The following LRRC4C variants were observed in gnomAD, a reference collection of about 807,000 sequenced individuals.
The protein encoded by LRRC4C is leucine rich repeat containing 4C, also known as leucine-rich repeat-containing protein 4C.
Under a neutral mutation model 33.6 loss-of-function variants are expected in LRRC4C, and 5 were observed. The observed-to-expected ratio is 0.15, with a 90% CI of 0.08 to 0.31. The LOEUF (loss-of-function observed/expected upper bound fraction) is 0.31, where lower values mean the gene tolerates loss of function less well. Ranked by LOEUF, LRRC4C falls within the 10% of genes least tolerant of loss-of-function variation. The pLI is 1.00. For missense variants in LRRC4C, 560 were observed against 796.7 expected, an observed-to-expected ratio of 0.70 and a Z score of 3.58; for synonymous variants, 329 against 302.0, an observed-to-expected ratio of 1.09 and a Z score of -0.93.
intron 1 of LRRC4C, among the ~76,000 whole-genome samples, chr11:41,193,286 G>T (rs777790262): frequency 6.6e-6 from 1 of 152,048 alleles, no homozygotes; most frequent in Non-Finnish European, 1.5e-5. Context: ...AAGACTGAAG[G>T]AATCAGAGTC....
intron 3 of LRRC4C, among the ~76,000 whole-genome samples, chr11:40,632,630 T>C (rs994016404): frequency 6.6e-6 from 1 of 152,204 alleles, no homozygotes; most frequent in Non-Finnish European, 1.5e-5. Context: ...AAAACACTTA[T>C]GTAATCTTAG....
chr11:41,056,386 A>G (rs978703977), intron 1 of LRRC4C, among the ~76,000 whole-genome samples: 1 of 152,242 alleles, frequency 6.6e-6, no homozygotes, highest in Non-Finnish European at 1.5e-5. Context: ...ATCAAAAGCA[A>G]TTACAATAAA....
chr11:40,704,909 A>G (rs942274005), intron 2 of LRRC4C, among the ~76,000 whole-genome samples: 1 of 152,182 alleles, frequency 6.6e-6, no homozygotes, highest in African/African-American at 2.4e-5. Context: ...TTGAAGAGAA[A>G]ACATCTTAAA....
At chr11:40,759,629 ACAC>A (rs1184263972) in intron 2 of LRRC4C, among the ~76,000 whole-genome samples, 4 of 151,990 alleles carry the variant, frequency 2.6e-5, no homozygotes, top group African/African-American at 9.7e-5. Context: ...CTAGCCTATT[ACAC>A]CAGTAATGAA....
At chr11:40,604,796 T>C (rs570668837) in intron 3 of LRRC4C, among the ~76,000 whole-genome samples, 4 of 150,178 alleles carry the variant, frequency 2.7e-5, no homozygotes, top group Admixed American at 2.0e-4. Context: ...AGAAGGAAAA[T>C]ATATAAAGAA....
intron 1 of LRRC4C, among the ~76,000 whole-genome samples, chr11:41,120,036 C>T (rs916373212): frequency 2.8e-4 from 43 of 152,104 alleles, no homozygotes; most frequent in African/African-American, 6.0e-4. Context: ...ATTCTGATTT[C>T]GTCTCAGTCC....
chr11:40,725,099 A>T (rs1947220829), intron 2 of LRRC4C, among the ~76,000 whole-genome samples: 1 of 152,154 alleles, frequency 6.6e-6, no homozygotes. Context: ...GAAGAGCATA[A>T]CCATTTATCT....
chr11:41,261,704 C>T (rs1210785624), intron 1 of LRRC4C, among the ~76,000 whole-genome samples: 1 of 152,106 alleles, frequency 6.6e-6, no homozygotes. Context: ...AGAGATTAGA[C>T]ATCTTGTCTG....
chr11:40,397,123 CTGTGATT>C (rs1352623763), intron 3 of LRRC4C, among the ~76,000 whole-genome samples: 4 of 151,948 alleles, frequency 2.6e-5, no homozygotes, highest in African/African-American at 9.7e-5. Context: ...CTCTGATATC[CTGTGATT>C]TGTAACGTAT....
chr11:41,294,837 G>C (rs954106772), intron 1 of LRRC4C, among the ~76,000 whole-genome samples: 1 of 152,146 alleles, frequency 6.6e-6, no homozygotes, highest in Admixed American at 6.5e-5. Flanking sequence ...AAGTTAAAAT[G>C]TTTTTAATCA....
intron 3 of LRRC4C, among the ~76,000 whole-genome samples, chr11:40,633,341 CTT>C (rs1320302960): frequency 3.2e-5 from 1 of 31,154 alleles, no homozygotes; most frequent in African/African-American, 1.3e-4. Flanking sequence ...TTCTTTCTTT[CTT>C]TCTTTCTTTC....
chr11:40,191,080 C>T (rs774056551), intron 5 of LRRC4C, among the ~76,000 whole-genome samples: 3 of 152,236 alleles, frequency 2.0e-5, no homozygotes, highest in South Asian at 2.1e-4. Context: ...CCGAGCACCT[C>T]GCACACAACA....
intron 1 of LRRC4C, among the ~76,000 whole-genome samples, chr11:41,154,214 C>T (rs758962946): frequency 6.6e-6 from 1 of 152,124 alleles, no homozygotes; most frequent in Non-Finnish European, 1.5e-5. Flanking sequence ...AAAAGAGATT[C>T]ATCATTCTAC....
intron 2 of LRRC4C, among the ~76,000 whole-genome samples, chr11:40,724,611 C>T (rs1947195099): frequency 6.6e-6 from 1 of 152,082 alleles, no homozygotes; most frequent in South Asian, 2.1e-4. Flanking sequence ...GCAAAAACCA[C>T]ATTAAGAGGA....
At chr11:40,914,035 T>C (rs1351227133) in intron 2 of LRRC4C, among the ~76,000 whole-genome samples, 1 of 152,122 alleles carries the variant, frequency 6.6e-6, no homozygotes, top group East Asian at 1.9e-4. Flanking sequence ...AAACAGGCTC[T>C]GAAATTGAGG....
intron 2 of LRRC4C, among the ~76,000 whole-genome samples, chr11:40,785,601 C>T (rs571052749): frequency 6.6e-6 from 1 of 152,228 alleles, no homozygotes; most frequent in African/African-American, 2.4e-5. Flanking sequence ...CACTATGAAC[C>T]AATCTTTATC....
chr11:41,259,159 AG>A (rs1948895870), intron 1 of LRRC4C, among the ~76,000 whole-genome samples: 1 of 152,098 alleles, frequency 6.6e-6, no homozygotes, highest in South Asian at 2.1e-4. Flanking sequence ...GAACCTTAAA[AG>A]TCTGGTGAGT....
At chr11:40,206,537 T>A (rs1376219696) in intron 5 of LRRC4C, among the ~76,000 whole-genome samples, 1 of 152,178 alleles carries the variant, frequency 6.6e-6, no homozygotes, top group Non-Finnish European at 1.5e-5. Flanking sequence ...CCACCGCACC[T>A]GGCCTATTGC....
At chr11:40,433,770 A>C (rs1951031604) in intron 3 of LRRC4C, among the ~76,000 whole-genome samples, 1 of 152,178 alleles carries the variant, frequency 6.6e-6, no homozygotes, top group African/African-American at 2.4e-5. Context: ...CAAGGACTTA[A>C]AGTTTGGGAA....
Sources: allele counts gnomAD v4.1 joint callset (sites outside exome capture counted in the v4.1 genomes callset), GRCh38; gene constraint gnomAD v4.1.1; transcripts MANE v1.5; gene names NCBI Gene and HGNC (gene_info 2026-07-23, HGNC 2026-07-21).